The following ZFPM2 variants were observed in gnomAD, a reference collection of about 807,000 sequenced individuals.
The protein encoded by ZFPM2 is zinc finger protein, FOG family member 2, also known as zinc finger protein ZFPM2.
A neutral mutation model predicts 98.6 loss-of-function variants in ZFPM2; 20 were observed. The ratio of observed to expected loss-of-function variants is 0.20; its 90% CI spans 0.14 to 0.29. The LOEUF is 0.29. ZFPM2 is among the 10% of genes least tolerant of loss of function. ZFPM2 has a pLI of 1.00. For synonymous variants in ZFPM2, 518 were observed against 502.7 expected (o/e 1.03, Z -0.41); for missense variants, 1,310 against 1,388.6 (o/e 0.94, Z 0.90).
rs780534248 is a variant in ZFPM2, at chr8:105,795,246, TTGTGTGTGTGTG to T, written c.740-3451_740-3440del. On this transcript the variant is annotated intron_variant, in intron 6 of 7. Transcript: ENST00000407775. ...TTGGCTCCTCCCCCTCATTTTATCT[TTGTGTGTGTGTG>T]TGTGTGTGTGTGTGTGTGTGTGTGT... 8.5e-4 allele frequency among the ~76,000 whole-genome samples: 117 copies of T among 138,320 alleles called. 1 individual carries two copies. Among genetic ancestry groups the T allele is most frequent in the African/African-American group, 2.1e-3 (75 of 36,376 alleles). 90.7% of individuals were successfully genotyped at this position (138,320 alleles called of 152,430 possible).
chr8:105,646,350 G>A (rs2880665), intron 5 of ZFPM2, among the ~76,000 whole-genome samples: 46,445 of 151,872 alleles, frequency 0.31, 7,332 homozygotes, highest in Middle Eastern at 0.52. Context: ...CGGGTGGTTC[G>A]TTGATATCAG....
At chr8:105,798,467 A>C (rs117845854) in intron 6 of ZFPM2, 16 of 362,350 alleles carry the variant, frequency 4.4e-5, no homozygotes, top group African/African-American at 2.7e-4. Flanking sequence ...AAAATAAAAT[A>C]AAATCAATAT....
chr8:105,517,751 G>T (rs1347015839), intron 3 of ZFPM2, among the ~76,000 whole-genome samples: 2 of 79,476 alleles, frequency 2.5e-5, no homozygotes, highest in African/African-American at 9.9e-5. Flanking sequence ...ACCCCTAGTT[G>T]GGTGTGGGGG....
chr8:105,505,799 A>G (rs962495387), intron 3 of ZFPM2, among the ~76,000 whole-genome samples: 9 of 152,204 alleles, frequency 5.9e-5, no homozygotes, highest in Admixed American at 1.3e-4. Context: ...ATGCCATACC[A>G]TAAATTCATT....
intron 1 of ZFPM2, among the ~76,000 whole-genome samples, chr8:105,327,751 T>G (rs2130659846): frequency 6.6e-6 from 1 of 151,962 alleles, no homozygotes; most frequent in South Asian, 2.1e-4. Context: ...TCTGATTATT[T>G]ATAATTCACT....
intron 4 of ZFPM2, among the ~76,000 whole-genome samples, chr8:105,588,949 G>A (rs544443925): frequency 2.0e-5 from 3 of 152,310 alleles, no homozygotes; most frequent in East Asian, 3.9e-4. Flanking sequence ...GAGGAAATGC[G>A]TGATCTATAG....
intron 5 of ZFPM2, among the ~76,000 whole-genome samples, chr8:105,776,643 T>C (rs149118719): frequency 6.6e-6 from 1 of 152,310 alleles, no homozygotes; most frequent in East Asian, 1.9e-4. Flanking sequence ...CAAGTAACTT[T>C]TGTGAGCCTA....
rs756957310 is a variant in ZFPM2 at position 105,330,627 on chromosome 8, TATATAC to T, written c.40+11652_40+11657del. The stretch of plus-strand genomic sequence containing the variant: ...ATATATATACACATATATATATATA[TATATAC>T]ATATATATATATATATTTTTCAGGA... On this transcript the variant is annotated intron_variant, in intron 1 of 7. Coordinates refer to ENST00000407775, the MANE Select transcript of ZFPM2 (RefSeq NM_012082.4). 9.9e-4 allele frequency among the ~76,000 whole-genome samples: 81 copies of T among 82,156 alleles called. 1 individual carries two copies. The highest frequency in any genetic ancestry group is 2.8e-3 in the East Asian group (9 of 3,268). 53.9% of individuals were successfully genotyped at this position (82,156 alleles called of 152,430 possible).
At chr8:105,435,874 C>A (rs1812109511) in intron 2 of ZFPM2, among the ~76,000 whole-genome samples, 1 of 151,954 alleles carries the variant, frequency 6.6e-6, no homozygotes, top group Admixed American at 6.6e-5. Context: ...ACTTATTTTT[C>A]ATTAGTAAAA....
At chr8:105,503,483 G>GA (rs1057244513) in intron 3 of ZFPM2, among the ~76,000 whole-genome samples, 3 of 151,930 alleles carry the variant, frequency 2.0e-5, no homozygotes, top group Non-Finnish European at 4.4e-5. Flanking sequence ...ATAGTCTATG[G>GA]AAAAAAACAA....
intron 5 of ZFPM2, among the ~76,000 whole-genome samples, chr8:105,780,795 G>T (rs547774847): frequency 6.6e-6 from 1 of 152,142 alleles, no homozygotes; most frequent in African/African-American, 2.4e-5. Context: ...CAGGAGAATC[G>T]CTTGAACCTG....
intron 3 of ZFPM2, among the ~76,000 whole-genome samples, chr8:105,496,982 CAAA>C (rs1207276670): frequency 3.8e-4 from 12 of 31,496 alleles, no homozygotes; most frequent in East Asian, 1.2e-3. Flanking sequence ...AACTCCGTCT[CAAA>C]AAAAAAAAAA....
At chr8:105,467,194 A>G (rs1162440954) in intron 3 of ZFPM2, among the ~76,000 whole-genome samples, 2 of 152,092 alleles carry the variant, frequency 1.3e-5, no homozygotes. Context: ...CTTGAGCCCC[A>G]CAATTCCTAA....
At chr8:105,556,662 A>T (rs1340872277) in intron 3 of ZFPM2, among the ~76,000 whole-genome samples, 11 of 150,512 alleles carry the variant, frequency 7.3e-5, no homozygotes, top group Non-Finnish European at 1.5e-5. Flanking sequence ...GAATCTTTCC[A>T]GTTCTTCCCT....
chr8:105,798,725 G>C lies in ZFPM2; in HGVS notation c.741G>C (p.Lys247Asn). 1 of 1,612,806 alleles carries C rather than the reference G, an allele frequency of 6.2e-7. No individual in the cohort carries two copies. Among genetic ancestry groups the C allele is most frequent in the Non-Finnish European group, 8.5e-7 (1 of 1,179,322 alleles). The change falls in exon 7 of 8, where the codon AAG becomes AAC. Residue 247 changes from lysine (K) to asparagine (N), a missense_variant and splice_region_variant. Physicochemically the swap from Lys to Asn is moderately conservative, Grantham distance 94 (BLOSUM62 0). Coordinates refer to ENST00000407775, the MANE Select transcript of ZFPM2 (RefSeq NM_012082.4). ...ASILPTAIVN[K>N]DIFPCKSCGI... The stretch of plus-strand genomic sequence containing the variant: ...TGTCTCTTGTGTTTTTACCTGCAGA[G>C]GATATATTCCCTTGCAAGTCCTGTG...
rs1812602643 is a variant in ZFPM2 at position 105,456,826 on chromosome 8, C to A, written c.301+12445C>A. 5.9e-5 allele frequency among the ~76,000 whole-genome samples: 9 copies of A among 152,112 alleles called. No homozygotes were observed. The South Asian group carries it at 1.7e-3, about 28-fold the overall frequency. On this transcript the variant is annotated intron_variant, in intron 3 of 7. Transcript: ENST00000407775. ...TGGCGGGGACTACAGGCTCACACCACCATGCCTGGCTACTTTTTTGTATTT... is the reference window on the plus strand; with the variant it reads ...TGGCGGGGACTACAGGCTCACACCAACATGCCTGGCTACTTTTTTGTATTT...
Position 105,686,437 on chromosome 8 carries a change from C to T in ZFPM2, c.532+52080C>T, listed in dbSNP as rs1470135764. On this transcript the variant is annotated intron_variant, in intron 5 of 7. Coordinates refer to ENST00000407775, the MANE Select transcript of ZFPM2 (RefSeq NM_012082.4). ...TTGGAGGCTCCATGTTGTGAAATTT[C>T]CTTAATGGCTCTTCTCTGGCCAGCA... 2.6e-5 allele frequency among the ~76,000 whole-genome samples: 4 copies of T among 152,134 alleles called. No individual in the cohort carries two copies. The South Asian group carries it at 8.3e-4, about 32-fold the overall frequency.
At chr8:105,453,539 A>T (rs745525943) in intron 3 of ZFPM2, among the ~76,000 whole-genome samples, 1 of 152,168 alleles carries the variant, frequency 6.6e-6, no homozygotes, top group African/African-American at 2.4e-5. Flanking sequence ...ATGAATTCCC[A>T]TGTACCCATT....
Position 105,419,300 on chromosome 8 carries a change from A to C in ZFPM2, c.197A>C (p.Lys66Thr), listed in dbSNP as rs1413264686. 1 of 1,612,982 alleles carries C rather than the reference A, an allele frequency of 6.2e-7. No homozygotes were observed. The highest frequency in any genetic ancestry group is 8.5e-7 in the Non-Finnish European group (1 of 1,179,496). The change falls in exon 2 of 8, where the codon AAA becomes ACA. Residue 66 changes from lysine (K) to threonine (T), a missense_variant and splice_region_variant. Coordinates refer to ENST00000407775, the MANE Select transcript of ZFPM2 (RefSeq NM_012082.4). Reference sequence around the variant, plus strand: ...GAAGAAGTGGAATACTTTTGTAACAAAGGTAATTGTTGATGGTTGGATGTA... The same window carrying C: ...GAAGAAGTGGAATACTTTTGTAACACAGGTAATTGTTGATGGTTGGATGTA... ...SCEEVEYFCN[K>T]GDDEGIQETA...
Sources: gnomAD v4.1 joint callset for allele counts (sites outside exome capture counted in the v4.1 genomes callset) on GRCh38, gnomAD v4.1.1 for gene constraint, MANE v1.5 for transcripts, NCBI Gene and HGNC (gene_info 2026-07-23, HGNC 2026-07-21) for gene names.